Variants in OPHN1 observed in about 807,000 individuals in gnomAD.
OPHN1 encodes oligophrenin 1, also known as oligophrenin-1.
A neutral mutation model predicts 60.7 loss-of-function variants in OPHN1; 11 were observed. The observed-to-expected ratio is 0.18, with a 90% confidence interval of 0.11 to 0.30. The LOEUF (loss-of-function observed/expected upper bound fraction) is 0.30, where lower values mean the gene tolerates loss of function less well. Among genes scored for constraint, OPHN1 ranks in the 10% least tolerant of loss-of-function variants. The pLI, the probability that OPHN1 is intolerant of heterozygous loss-of-function variation, is 1.00. For missense variants in OPHN1, 449 were observed against 611.0 expected (o/e 0.73, Z 2.80); for synonymous variants, 226 against 222.6 (o/e 1.02, Z -0.14).
intron 18 of OPHN1, among the ~76,000 whole-genome samples, chrX:68,104,126 C>T (rs972757199): frequency 9.0e-6 from 1 of 111,450 alleles, no homozygotes; most frequent in Non-Finnish European, 1.9e-5. Context: ...AGGGCCTCTT[C>T]AAGGAGAACT....
intron 2 of OPHN1, among the ~76,000 whole-genome samples, chrX:68,399,925 A>G (rs1328568725): frequency 1.8e-5 from 2 of 108,293 alleles, no homozygotes; most frequent in East Asian, 5.9e-4. Flanking sequence ...TCCCGGGTCC[A>G]AGCAATTCTC....
At chrX:68,058,621 G>A (rs952192148) in intron 21 of OPHN1, among the ~76,000 whole-genome samples, 12 of 111,648 alleles carry the variant, frequency 1.1e-4, no homozygotes, top group African/African-American at 3.6e-4. Context: ...AAAGGGCCTC[G>A]AATACAGAAG....
intron 4 of OPHN1, among the ~76,000 whole-genome samples, chrX:68,276,891 C>T (rs754730551): frequency 1.6e-3 from 180 of 110,842 alleles, no homozygotes; most frequent in Admixed American, 3.0e-3. Flanking sequence ...TAGTCAATGT[C>T]TCATACCAGC....
Position 68,335,855 on chromosome X carries a change from G to A in OPHN1, c.155-36759C>T, listed in dbSNP as rs867863565. ...TGAGGCAGAAGAATCACTTGAACCCGAGAGGTGGAGGCTGCAATGAGCAGA... is the reference window on the plus strand; with the variant it reads ...TGAGGCAGAAGAATCACTTGAACCCAAGAGGTGGAGGCTGCAATGAGCAGA... On this transcript the variant is annotated intron_variant, in intron 2 of 24. Transcript: ENST00000355520. Among the ~76,000 whole-genome samples, 3 of 111,417 alleles carry A rather than the reference G, an allele frequency of 2.7e-5. No individual in the cohort carries two copies. In the Admixed American group the frequency reaches 2.9e-4, roughly 11 times the overall value.
At chrX:68,147,802 A>G (rs1447049879) in intron 15 of OPHN1, among the ~76,000 whole-genome samples, 1 of 111,843 alleles carries the variant, frequency 8.9e-6, no homozygotes, top group Non-Finnish European at 1.9e-5. Context: ...TCAATGCCTT[A>G]AAAGAATCGT....
At chrX:68,101,026 G>T (rs1204561128) in intron 18 of OPHN1, among the ~76,000 whole-genome samples, 3 of 111,505 alleles carry the variant, frequency 2.7e-5, no homozygotes, top group East Asian at 5.7e-4. Flanking sequence ...GATTACAGGC[G>T]TGAGCCACCG....
chrX:68,376,547 G>C (rs1210555718), intron 2 of OPHN1, among the ~76,000 whole-genome samples: 1 of 111,277 alleles, frequency 9.0e-6, no homozygotes, highest in Non-Finnish European at 1.9e-5. Context: ...TTGCTATAAA[G>C]GGCAGAGGCA....
intron 19 of OPHN1, among the ~76,000 whole-genome samples, chrX:68,079,876 C>T (rs1221555675): frequency 8.9e-6 from 1 of 111,889 alleles, no homozygotes; most frequent in East Asian, 2.8e-4. Context: ...CATCCCACAT[C>T]CATTTAGTCA....
At chrX:68,278,879 C>A (rs1468563224) in intron 4 of OPHN1, among the ~76,000 whole-genome samples, 1 of 110,121 alleles carries the variant, frequency 9.1e-6, no homozygotes, top group African/African-American at 3.3e-5. Context: ...GAGGGAGACT[C>A]CGTCACAAAA....
intron 5 of OPHN1, among the ~76,000 whole-genome samples, chrX:68,267,454 G>A (rs1303264074): frequency 3.6e-5 from 4 of 112,098 alleles, no homozygotes; most frequent in African/African-American, 1.3e-4. Flanking sequence ...AATGAAGGCA[G>A]AAATAAAGAT....
At chrX:68,193,782 G>T in intron 14 of OPHN1, 108 bp downstream of exon 14, 1 of 670,281 alleles carries the variant, frequency 1.5e-6, no homozygotes, top group Non-Finnish European at 2.4e-6. Context: ...TACTACACAA[G>T]CTTTATAAAC....
chrX:68,209,908 C>A, intron 9 of OPHN1: 1 of 382,624 alleles, frequency 2.6e-6, no homozygotes, highest in Non-Finnish European at 4.6e-6. Context: ...CAAATAATAC[C>A]CATTTTGAAT....
intron 2 of OPHN1, among the ~76,000 whole-genome samples, chrX:68,393,736 C>T (rs2078665531): frequency 9.1e-6 from 1 of 109,533 alleles, no homozygotes; most frequent in African/African-American, 3.3e-5. Context: ...TTAATTTTTA[C>T]ATACTCCCTT....
intron 23 of OPHN1, among the ~76,000 whole-genome samples, chrX:68,050,488 T>C (rs918312127): frequency 2.7e-5 from 3 of 111,798 alleles, no homozygotes; most frequent in African/African-American, 9.7e-5. Flanking sequence ...TGGTAGTGGC[T>C]ACCAATCTTT....
chrX:68,175,344 G>A (rs1445515940), intron 15 of OPHN1, among the ~76,000 whole-genome samples: 3 of 111,028 alleles, frequency 2.7e-5, no homozygotes, highest in African/African-American at 9.8e-5. Flanking sequence ...TACATAATTG[G>A]TTATATTTAT....
Position 68,422,606 on chromosome X carries a change from GAAAA to G in OPHN1, c.154+10257_154+10260del, listed in dbSNP as rs1465839093. ...AGGGAAGAAAGAAAGAAAAAGAAAA[GAAAA>G]AGAGAGAGAGAAAGAAAGAAAAAGG... On this transcript the variant is annotated intron_variant, in intron 2 of 24. Transcript: ENST00000355520. Among the ~76,000 whole-genome samples the G allele has an allele frequency of 1.2e-4, 6 of 49,827 alleles. No homozygotes were observed. In the East Asian group the frequency reaches 3.7e-3, roughly 30 times the overall value. 43.3% of individuals were successfully genotyped at this position (49,827 alleles called of 115,157 possible).
intron 23 of OPHN1, among the ~76,000 whole-genome samples, chrX:68,050,643 C>A (rs888074305): frequency 8.9e-6 from 1 of 112,178 alleles, no homozygotes; most frequent in Non-Finnish European, 1.9e-5. Flanking sequence ...TCAATAACTG[C>A]CCCCACAGCA....
chrX:68,412,037 G>A (rs2078771877), intron 2 of OPHN1, among the ~76,000 whole-genome samples: 1 of 111,409 alleles, frequency 9.0e-6, no homozygotes, highest in Non-Finnish European at 1.9e-5. Flanking sequence ...TAGCAGAAGT[G>A]GTCTTGTTAT....
chrX:68,100,056 T>G (rs1161410991), intron 18 of OPHN1, among the ~76,000 whole-genome samples: 1 of 111,742 alleles, frequency 8.9e-6, no homozygotes, highest in Non-Finnish European at 1.9e-5. Context: ...TTTTCCATCC[T>G]TAGGTATCTG....
Sources: gnomAD v4.1 joint callset for allele counts (sites outside exome capture counted in the v4.1 genomes callset) on GRCh38, gnomAD v4.1.1 for gene constraint, MANE v1.5 for transcripts, NCBI Gene and HGNC (gene_info 2026-07-23, HGNC 2026-07-21) for gene names.